METTL9: variants seen among roughly 807,000 people sequenced by gnomAD.
METTL9 encodes methyltransferase 9, His-X-His N1(pi)-histidine.
A neutral mutation model predicts 36.0 loss-of-function variants in METTL9; 10 were observed. That is an observed-to-expected ratio of 0.28 (90% CI 0.17 to 0.47). METTL9 has a LOEUF of 0.47. Ranked by LOEUF, METTL9 falls within the 20% of genes least tolerant of loss-of-function variation. METTL9 has a pLI of 0.99. For missense variants in METTL9, 246 were observed against 383.5 expected, an observed-to-expected ratio of 0.64 and a Z score of 3.00; for synonymous variants, 175 against 149.7, an observed-to-expected ratio of 1.17 and a Z score of -1.23.
At chr16:21,602,663 G>GT (rs964789113) in intron 1 of METTL9, among the ~76,000 whole-genome samples, 2 of 73,414 alleles carry the variant, frequency 2.7e-5, no homozygotes, top group Admixed American at 2.5e-4. Flanking sequence ...TACAAATAAA[G>GT]TGTTTTTTTT....
Position 21,618,023 on chromosome 16 carries a change from C to T in METTL9, c.515C>T (p.Ala172Val). The change falls in exon 3 of 5, where the codon GCC (alanine) becomes GTC (valine). Residue 172 changes from alanine to valine, a missense_variant. Transcript: ENST00000358154. ...IMSPHFEEIYATELSETMIWQ... is the reference protein window; with the variant it reads ...IMSPHFEEIYVTELSETMIWQ... ...AGCCCTCATTTTGAAGAAATCTATG[C>T]CACTGAGCTTTCTGAAACTATGATA... is the stretch of plus-strand genomic sequence containing the variant. 1.2e-6 allele frequency: 2 copies of T among 1,601,744 alleles called. No individual in the cohort carries two copies. The highest frequency in any genetic ancestry group is 2.2e-5 in the East Asian group (1 of 44,756).
At chr16:21,625,214 TATA>T (rs1231445726) in intron 4 of METTL9, 99 bp downstream of exon 4, 4 of 1,299,264 alleles carry the variant, frequency 3.1e-6, no homozygotes, top group Admixed American at 1.8e-5. Flanking sequence ...TAGTATGTCT[TATA>T]ATAGCCTGCA....
At chr16:21,644,400 A>T (rs779616289) in intron 4 of METTL9, 1 of 1,599,046 alleles carries the variant, frequency 6.3e-7, no homozygotes, top group Admixed American at 1.7e-5. Flanking sequence ...TTAATTTCTT[A>T]ATGACAAAAA....
chr16:21,640,679 A>C (rs895837969), intron 4 of METTL9: 3 of 150,264 alleles, frequency 2.0e-5, no homozygotes, highest in Non-Finnish European at 4.4e-5. Flanking sequence ...AGGCAGAAGA[A>C]TGGCATGAAC....
rs3046231 is a variant in METTL9, at chr16:21,605,257, C to CTTTTTTTTTTTTTTTTTTTTTTTTTTTTT, written c.165+5370_165+5398dup. Among the ~76,000 whole-genome samples the CTTTTTTTTTTTTTTTTTTTTTTTTTTTTT allele has an allele frequency of 1.8e-4, 9 of 51,236 alleles. 3 individuals carry two copies. The highest frequency in any genetic ancestry group is 3.2e-4 in the African/African-American group (5 of 15,566). 33.6% of individuals were successfully genotyped at this position (51,236 alleles called of 152,430 possible). On this transcript the variant is annotated intron_variant, in intron 1 of 4. Coordinates refer to ENST00000358154, the MANE Select transcript of METTL9 (RefSeq NM_016025.5). ...GGGGTGGTAAAAATAGGCTTGCCTT[C>CTTTTTTTTTTTTTTTTTTTTTTTTTTTTT]TTTTTTTTTTTTTTTTTTTTTTTTT... is the stretch of plus-strand genomic sequence containing the variant.
chr16:21,611,329 A>G (rs1193737223), intron 1 of METTL9, among the ~76,000 whole-genome samples: 1 of 152,184 alleles, frequency 6.6e-6, no homozygotes, highest in Non-Finnish European at 1.5e-5. Flanking sequence ...TTAAGATTTC[A>G]CTGAACATTA....
intron 1 of METTL9, among the ~76,000 whole-genome samples, chr16:21,601,474 T>C (rs1452504736): frequency 2.0e-5 from 3 of 152,186 alleles, no homozygotes; most frequent in African/African-American, 4.8e-5. Flanking sequence ...ATAACACTTA[T>C]CATGATTACC....
At chr16:21,643,587 G>T in intron 4 of METTL9, 1 of 1,606,290 alleles carries the variant, frequency 6.2e-7, no homozygotes, top group East Asian at 2.2e-5. Context: ...TTCTTAGAGG[G>T]TTGGATTTTG....
chr16:21,597,294 T>A, upstream of METTL9: 1 of 1,289,008 alleles, frequency 7.8e-7, no homozygotes, highest in Non-Finnish European at 1.0e-6. Flanking sequence ...CCAAGTTCTA[T>A]GAAAAGGTCA....
At chr16:21,624,248 TTTGA>T in intron 3 of METTL9, among the ~76,000 whole-genome samples, 1 of 152,344 alleles carries the variant, frequency 6.6e-6, no homozygotes, top group South Asian at 2.1e-4. Context: ...TGATGCATTT[TTTGA>T]TTAAGTTCCA....
chr16:21,641,705 C>G (rs1322092698), intron 4 of METTL9: 2 of 543,064 alleles, frequency 3.7e-6, no homozygotes, highest in African/African-American at 2.0e-5. Flanking sequence ...TCCTAAGTGT[C>G]CATATGGTAA....
chr16:21,611,657 C>T (rs1597745541), intron 1 of METTL9, among the ~76,000 whole-genome samples: 1 of 152,158 alleles, frequency 6.6e-6, no homozygotes, highest in African/African-American at 2.4e-5. Flanking sequence ...GTTTAATCCT[C>T]ATCGTACCCT....
rs182323498 is a variant in METTL9, at chr16:21,612,575, T to C, written c.166-70T>C. The C allele has an allele frequency of 1.0e-5, 14 of 1,388,010 alleles. No homozygotes were observed. The Admixed American group carries it at 1.7e-4, about 17-fold the overall frequency. 86.0% of individuals were successfully genotyped at this position (1,388,010 alleles called of 1,614,324 possible). On this transcript the variant is annotated intron_variant, in intron 1 of 4. Coordinates refer to ENST00000358154, the MANE Select transcript of METTL9 (RefSeq NM_016025.5). ...GTGATTTAGTCTTCTGGTTTTTTGT[T>C]TTTGGATTTCTTAGGTGACACTTCG... is the stretch of plus-strand genomic sequence containing the variant.
chr16:21,643,562 C>T (rs763899088), intron 4 of METTL9: 13 of 1,605,698 alleles, frequency 8.1e-6, no homozygotes, highest in Non-Finnish European at 1.0e-5. Flanking sequence ...TGTGAGTCTT[C>T]TTTTATTTCT....
At position 21,599,776 on chromosome 16, in the gene METTL9, G is replaced by A; in HGVS notation, c.43G>A (p.Val15Met). 6.5e-7 allele frequency: 1 copy of A among 1,545,780 alleles called. No individual in the cohort carries two copies. ...CTGGCTGTGCCTGAGCCTGGCGTCC[G>A]TGTGGCTGGCGCGGAGGATGTGGAC... ...AGWLCLSLAS[V>M]WLARRMWTLR... Residue 15 changes from valine to methionine, a missense_variant, in exon 1 of 5, where the codon GTG becomes ATG. Val to Met is a conservative substitution (Grantham distance 21). This residue lies in a region of METTL9 where 100 missense variants were observed against 81.4 expected (regional missense o/e 1.23). Transcript: ENST00000358154. The surrounding 1 kb of genome is among the most constrained non-coding windows in gnomAD (Gnocchi z 4.4).
chr16:21,648,563 A>G (rs909877941), intron 4 of METTL9, among the ~76,000 whole-genome samples: 4 of 152,208 alleles, frequency 2.6e-5, no homozygotes, highest in African/African-American at 9.6e-5. Flanking sequence ...TGTACTGTCC[A>G]CCATGTGGTG....
rs1306480807 is a variant in METTL9 at position 21,656,948 on chromosome 16, ATACT to A, written c.*1519_*1522del. 6.6e-6 allele frequency: 1 copy of A among 152,150 alleles called. No homozygotes were observed. Among genetic ancestry groups the A allele is most frequent in the East Asian group, 1.9e-4 (1 of 5,194 alleles). The allele number at this position is 152,150 out of a possible 1,614,324, so 9.4% of individuals were successfully genotyped here. On this transcript the variant is annotated 3_prime_UTR_variant, in exon 5 of 5. Transcript: ENST00000358154. ...AGGAATTCAAGTAAGTGAAGTACAA[ATACT>A]TAGCACCATAGATTGTAAAAATAGA...
At chr16:21,618,648 C>T (rs996713749) in intron 3 of METTL9, among the ~76,000 whole-genome samples, 2 of 151,992 alleles carry the variant, frequency 1.3e-5, no homozygotes, top group Non-Finnish European at 2.9e-5. Flanking sequence ...ACTGGCTTAT[C>T]GCATGTAGCA....
intron 4 of METTL9, among the ~76,000 whole-genome samples, chr16:21,643,973 C>T (rs934488563): frequency 2.6e-5 from 4 of 152,124 alleles, no homozygotes; most frequent in East Asian, 1.9e-4. Context: ...AGTAATATCT[C>T]GCCCTCCACC....
Sources: allele counts gnomAD v4.1 joint callset (sites outside exome capture counted in the v4.1 genomes callset), GRCh38; gene constraint gnomAD v4.1.1; regional missense constraint gnomAD v4.1.1; non-coding constraint Gnocchi (gnomAD v3.1); transcripts MANE v1.5; gene names NCBI Gene and HGNC (gene_info 2026-07-23, HGNC 2026-07-21).